The following SGPL1 variants were observed in gnomAD, a reference collection of about 807,000 sequenced individuals.
The protein encoded by SGPL1 is sphingosine-1-phosphate lyase 1.
SGPL1 carries 37 observed loss-of-function variants against 68.9 expected under a neutral mutation model. The observed-to-expected ratio is 0.54, with a 90% CI of 0.41 to 0.71. SGPL1 has a LOEUF of 0.71. SGPL1 is among the 30% of genes least tolerant of loss of function. SGPL1 has a pLI of 0.00. For synonymous variants in SGPL1, 236 were observed against 248.5 expected, an observed-to-expected ratio of 0.95 and a Z score of 0.47; for missense variants, 551 against 704.6, an observed-to-expected ratio of 0.78 and a Z score of 2.47.
At chr10:70,843,129 C>T (rs1202230099) in intron 2 of SGPL1, among the ~76,000 whole-genome samples, 1 of 152,156 alleles carries the variant, frequency 6.6e-6, no homozygotes, top group Non-Finnish European at 1.5e-5. Context: ...TTAAATTTTG[C>T]CCTCTGTCAT....
At chr10:70,856,506 C>G (rs1845965801) in intron 5 of SGPL1, among the ~76,000 whole-genome samples, 1 of 152,154 alleles carries the variant, frequency 6.6e-6, no homozygotes, top group Non-Finnish European at 1.5e-5. Context: ...TTGCTGTATT[C>G]TCTAGCATCA....
chr10:70,832,912 T>C (rs1845568712), intron 2 of SGPL1, among the ~76,000 whole-genome samples: 1 of 152,206 alleles, frequency 6.6e-6, no homozygotes, highest in Non-Finnish European at 1.5e-5. Context: ...TCTCCTAGTA[T>C]AAGCTGCTCC....
chr10:70,840,474 G>A (rs927658921), intron 2 of SGPL1, among the ~76,000 whole-genome samples: 1 of 152,012 alleles, frequency 6.6e-6, no homozygotes, highest in South Asian at 2.1e-4. Flanking sequence ...ATGCCACAGA[G>A]CCCAATAATT....
At chr10:70,817,852 A>C (rs1207702165) in intron 2 of SGPL1, among the ~76,000 whole-genome samples, 1 of 152,252 alleles carries the variant, frequency 6.6e-6, no homozygotes, top group Non-Finnish European at 1.5e-5. Context: ...GGATTGAACC[A>C]GTATGAATTT....
intron 2 of SGPL1, among the ~76,000 whole-genome samples, chr10:70,836,295 G>A (rs1845626515): frequency 6.6e-6 from 1 of 152,104 alleles, no homozygotes; most frequent in Admixed American, 6.5e-5. Context: ...TCTTCTTTTA[G>A]GTCATACTTT....
intron 2 of SGPL1, among the ~76,000 whole-genome samples, chr10:70,822,762 G>C (rs2131847742): frequency 6.6e-6 from 1 of 151,772 alleles, no homozygotes; most frequent in Admixed American, 6.6e-5. Flanking sequence ...AAACATCTAA[G>C]GGCTAGCTAG....
rs774958563 is a variant in SGPL1 at position 70,872,021 on chromosome 10, AT to A, written c.1059+37del. 47 of 1,592,414 alleles carry A rather than the reference AT, an allele frequency of 3.0e-5. No individual in the cohort carries two copies. The East Asian group carries it at 1.0e-3, about 35-fold the overall frequency. On this transcript the variant is annotated intron_variant, in intron 11 of 14. Coordinates refer to ENST00000373202, the MANE Select transcript of SGPL1 (RefSeq NM_003901.4). ...GGAGGAGATCAAGTGTTACCAGTTGATTATTTTGACTATTATTGATAAAATA... is the reference window on the plus strand; with the variant it reads ...GGAGGAGATCAAGTGTTACCAGTTGATATTTTGACTATTATTGATAAAATA...
chr10:70,855,899 GGGTTT>G (rs1845955777), intron 5 of SGPL1, among the ~76,000 whole-genome samples: 1 of 151,982 alleles, frequency 6.6e-6, no homozygotes, highest in Non-Finnish European at 1.5e-5. Flanking sequence ...TAGTTCATCA[GGGTTT>G]TTTTTTGTTT....
At chr10:70,841,864 C>A (rs1845720231) in intron 2 of SGPL1, among the ~76,000 whole-genome samples, 1 of 152,032 alleles carries the variant, frequency 6.6e-6, no homozygotes, top group African/African-American at 2.4e-5. Flanking sequence ...TTTACCTTCC[C>A]TTCCTCTTCT....
intron 2 of SGPL1, among the ~76,000 whole-genome samples, chr10:70,830,632 T>C (rs1845519092): frequency 6.6e-6 from 1 of 152,242 alleles, no homozygotes; most frequent in African/African-American, 2.4e-5. Context: ...TAGGACCTTT[T>C]GTAATATCGA....
intron 12 of SGPL1, 44 bp downstream of exon 12, chr10:70,873,633 T>A: frequency 6.8e-7 from 1 of 1,464,390 alleles, no homozygotes; most frequent in East Asian, 2.3e-5. Context: ...ATTGCTTTTT[T>A]GTCCTAGTAG....
chr10:70,817,410 G>C (rs1047449761), intron 2 of SGPL1, among the ~76,000 whole-genome samples: 3 of 152,200 alleles, frequency 2.0e-5, no homozygotes, highest in Admixed American at 1.3e-4. Flanking sequence ...AATTATTGAA[G>C]AATCTTTTTC....
intron 2 of SGPL1, among the ~76,000 whole-genome samples, chr10:70,838,465 T>C (rs550754762): frequency 6.6e-6 from 1 of 152,340 alleles, no homozygotes; most frequent in Non-Finnish European, 1.5e-5. Flanking sequence ...TGTGGTCTAC[T>C]GTCAGTTAGG....
At chr10:70,873,285 T>C in intron 11 of SGPL1, 66 bp from the exon 12 acceptor site, 1 of 1,152,062 alleles carries the variant, frequency 8.7e-7, no homozygotes, top group Non-Finnish European at 1.3e-6. Flanking sequence ...ATGATGAGAG[T>C]TCTGGGACAA....
intron 2 of SGPL1, among the ~76,000 whole-genome samples, chr10:70,836,108 T>G (rs2131870498): frequency 6.6e-6 from 1 of 152,356 alleles, no homozygotes; most frequent in African/African-American, 2.4e-5. Flanking sequence ...TGGCAGGGAA[T>G]CTGTGTGCCT....
intron 2 of SGPL1, among the ~76,000 whole-genome samples, chr10:70,828,337 T>C (rs1208591885): frequency 6.6e-6 from 1 of 152,200 alleles, no homozygotes; most frequent in East Asian, 1.9e-4. Context: ...TTTATTTTTT[T>C]CGGAGACAGG....
At chr10:70,855,524 T>C (rs2131904947) in intron 5 of SGPL1, among the ~76,000 whole-genome samples, 1 of 152,354 alleles carries the variant, frequency 6.6e-6, no homozygotes, top group East Asian at 1.9e-4. Flanking sequence ...ATCTCTACAA[T>C]GGGGATAGTA....
At chr10:70,830,757 A>G (rs984447495) in intron 2 of SGPL1, among the ~76,000 whole-genome samples, 1 of 152,192 alleles carries the variant, frequency 6.6e-6, no homozygotes, top group Non-Finnish European at 1.5e-5. Context: ...TTTTATGTTC[A>G]CAAGCATTTT....
intron 2 of SGPL1, 25 bp downstream of exon 2, chr10:70,816,905 T>A: frequency 6.2e-7 from 1 of 1,612,612 alleles, no homozygotes; most frequent in Non-Finnish European, 8.5e-7. Flanking sequence ...GACATCCTCC[T>A]GGTTCCAAGG....
Sources: gnomAD v4.1 joint callset for allele counts (sites outside exome capture counted in the v4.1 genomes callset) on GRCh38, gnomAD v4.1.1 for gene constraint, MANE v1.5 for transcripts, NCBI Gene and HGNC (gene_info 2026-07-23, HGNC 2026-07-21) for gene names.